The following RGS6 variants were observed in gnomAD, a reference collection of about 807,000 sequenced individuals.
RGS6 encodes regulator of G-protein signaling 6.
A neutral mutation model predicts 78.5 loss-of-function variants in RGS6; 30 were observed. That is an observed-to-expected ratio of 0.38 (90% CI 0.29 to 0.52). The LOEUF is 0.52. RGS6 is among the 20% of genes least tolerant of loss of function. RGS6 has a pLI of 0.85. For synonymous variants in RGS6, 206 were observed against 206.0 expected (o/e 1.00, Z 0.00); for missense variants, 495 against 609.7 (o/e 0.81, Z 1.98).
intron 17 of RGS6, among the ~76,000 whole-genome samples, chr14:72,546,013 G>A (rs1377466635): frequency 2.0e-5 from 3 of 152,170 alleles, no homozygotes; most frequent in African/African-American, 7.2e-5. Context: ...GGGCCCTATG[G>A]GTATAGGAAG....
rs1447243657 is a variant in RGS6, at chr14:72,563,265, T to A, written c.*798T>A. Reference sequence around the variant, plus strand: ...GACCATCTTTTAGAAAATTATTTCATAATTTATTCTGGCTTTGCCCCCTTG... The same window carrying A: ...GACCATCTTTTAGAAAATTATTTCAAAATTTATTCTGGCTTTGCCCCCTTG... On this transcript the variant is annotated 3_prime_UTR_variant, in exon 18 of 18. Transcript: ENST00000553525. 6.2e-6 allele frequency: 1 copy of A among 160,492 alleles called. No individual in the cohort carries two copies. The highest frequency in any genetic ancestry group is 1.4e-5 in the Non-Finnish European group (1 of 72,524). 9.9% of individuals were successfully genotyped at this position (160,492 alleles called of 1,614,324 possible).
intron 2 of RGS6, among the ~76,000 whole-genome samples, chr14:72,334,994 C>T (rs1202381962): frequency 6.6e-6 from 1 of 152,048 alleles, no homozygotes; most frequent in Non-Finnish European, 1.5e-5. Context: ...GTGAAAGGGA[C>T]CCAGTGGGAG....
chr14:72,310,223 T>C (rs1422207408), intron 2 of RGS6, among the ~76,000 whole-genome samples: 1 of 152,208 alleles, frequency 6.6e-6, no homozygotes, highest in East Asian at 1.9e-4. Flanking sequence ...CAAGACTCTT[T>C]CCCTTCCTGG....
chr14:72,033,374 C>T (rs2091208682), intron 2 of RGS6, among the ~76,000 whole-genome samples: 1 of 152,090 alleles, frequency 6.6e-6, no homozygotes, highest in African/African-American at 2.4e-5. Context: ...GCTGGGACTA[C>T]AGGCATGAGC....
At chr14:71,981,134 TG>T (rs1247785725) in intron 2 of RGS6, among the ~76,000 whole-genome samples, 1 of 147,154 alleles carries the variant, frequency 6.8e-6, no homozygotes, top group African/African-American at 2.5e-5. Flanking sequence ...AGCACTTCTC[TG>T]TATTGATTAT....
chr14:71,876,473 CTTTTTTTTTTTTTTTTTTTTTTT>C, the RGS6 span, among the ~76,000 whole-genome samples: 11 of 72,490 alleles, frequency 1.5e-4, no homozygotes, highest in Non-Finnish European at 1.7e-4. Context: ...GCAACCGCTG[CTTTTTTTTTTTTTTTTTTTTTTT>C]TTTTTTTTTT....
At chr14:72,384,164 T>C (rs1435858488) in intron 3 of RGS6, among the ~76,000 whole-genome samples, 1 of 152,062 alleles carries the variant, frequency 6.6e-6, no homozygotes, top group Non-Finnish European at 1.5e-5. Flanking sequence ...TTTAAAAAAA[T>C]AAGTTAAAAT....
At chr14:72,192,653 T>G (rs572879019) in intron 2 of RGS6, among the ~76,000 whole-genome samples, 56 of 152,340 alleles carry the variant, frequency 3.7e-4, no homozygotes, top group Non-Finnish European at 6.0e-4. Context: ...ACGTCTCTGC[T>G]CTTAGAGGCT....
intron 2 of RGS6, among the ~76,000 whole-genome samples, chr14:72,172,330 A>G (rs1392699666): frequency 6.6e-6 from 1 of 151,396 alleles, no homozygotes; most frequent in African/African-American, 2.4e-5. Context: ...TATTTTACAA[A>G]TGTTATCTTA....
In RGS6 at chr14:72,122,645, A is replaced by T. The variant is rs191643947; in HGVS notation, c.84+157770A>T. ...TGGTCCAGGGCTTAGATTCTTAAATAAGAGCAGGGACATCACCATGTTTGT... is the reference window on the plus strand; with the variant it reads ...TGGTCCAGGGCTTAGATTCTTAAATTAGAGCAGGGACATCACCATGTTTGT... On this transcript the variant is annotated intron_variant, in intron 2 of 17. Transcript: ENST00000553525. Among the ~76,000 whole-genome samples, 17 of 152,248 alleles carry T rather than the reference A, an allele frequency of 1.1e-4. 1 individual carries two copies. In the East Asian group the frequency reaches 3.3e-3, roughly 29 times the overall value.
intron 2 of RGS6, among the ~76,000 whole-genome samples, chr14:72,070,978 ATATTT>A (rs1023117568): frequency 3.3e-5 from 5 of 152,158 alleles, no homozygotes; most frequent in African/African-American, 1.2e-4. Flanking sequence ...AACATTTAAA[ATATTT>A]TATTCATCTC....
At chr14:72,581,285 C>G in the RGS6 span, among the ~76,000 whole-genome samples, 1 of 152,162 alleles carries the variant, frequency 6.6e-6, no homozygotes. Context: ...GGCACCCCAT[C>G]TATCCATACC....
At chr14:72,133,254 C>A (rs2096366355) in intron 2 of RGS6, among the ~76,000 whole-genome samples, 1 of 152,086 alleles carries the variant, frequency 6.6e-6, no homozygotes. Flanking sequence ...ACCTACCTTG[C>A]CTTGCTCCTC....
intron 2 of RGS6, among the ~76,000 whole-genome samples, chr14:72,012,571 A>G (rs548737809): frequency 6.6e-6 from 1 of 152,324 alleles, no homozygotes; most frequent in East Asian, 1.9e-4. Context: ...TGTTATAAAC[A>G]GTTCTGAAAA....
chr14:72,186,775 C>CT (rs2097254069), intron 2 of RGS6, among the ~76,000 whole-genome samples: 1 of 152,188 alleles, frequency 6.6e-6, no homozygotes, highest in East Asian at 1.9e-4. Context: ...GCAATAAGTG[C>CT]TATTTAAACA....
chr14:72,344,899 T>C (rs915607207), intron 2 of RGS6, among the ~76,000 whole-genome samples: 2 of 152,144 alleles, frequency 1.3e-5, no homozygotes, highest in Non-Finnish European at 2.9e-5. Flanking sequence ...TGCCCAACCA[T>C]CCTTTACGAG....
chr14:72,096,180 G>A (rs2095402564), intron 2 of RGS6, among the ~76,000 whole-genome samples: 1 of 151,982 alleles, frequency 6.6e-6, no homozygotes, highest in South Asian at 2.1e-4. Flanking sequence ...GGCTGAGGGA[G>A]GGAGAATTGC....
chr14:72,280,000 T>C (rs2061316992), intron 2 of RGS6, among the ~76,000 whole-genome samples: 1 of 152,132 alleles, frequency 6.6e-6, no homozygotes, highest in Non-Finnish European at 1.5e-5. Context: ...GATACTGAGT[T>C]TCTACTACTA....
At chr14:72,011,822 CTG>C in intron 2 of RGS6, among the ~76,000 whole-genome samples, 1 of 152,166 alleles carries the variant, frequency 6.6e-6, no homozygotes, top group African/African-American at 2.4e-5. Context: ...TGAGGGGTGA[CTG>C]TAACTTATTT....
Sources: allele counts gnomAD v4.1 joint callset (sites outside exome capture counted in the v4.1 genomes callset), GRCh38; gene constraint gnomAD v4.1.1; transcripts MANE v1.5; gene names NCBI Gene and HGNC (gene_info 2026-07-23, HGNC 2026-07-21).